Variants in KLF12 observed in about 807,000 individuals in gnomAD.
The protein encoded by KLF12 is KLF transcription factor 12, also known as Krueppel-like factor 12.
Under a neutral mutation model 37.8 loss-of-function variants are expected in KLF12, and 9 were observed. That is an observed-to-expected ratio of 0.24 (90% CI 0.14 to 0.42). The LOEUF (loss-of-function observed/expected upper bound fraction) is 0.42, where lower values mean the gene tolerates loss of function less well. Among genes scored for constraint, KLF12 ranks in the 10% least tolerant of loss-of-function variants. The pLI is 1.00. For synonymous variants in KLF12, 208 were observed against 202.1 expected (o/e 1.03, Z -0.25); for missense variants, 411 against 516.0 (o/e 0.80, Z 1.97).
chr13:73,760,791 A>G (rs1231520435), intron 6 of KLF12, among the ~76,000 whole-genome samples: 1 of 152,190 alleles, frequency 6.6e-6, no homozygotes, highest in East Asian at 1.9e-4. Flanking sequence ...ACACATGCCC[A>G]AGTCCTTTAA....
At chr13:74,106,438 A>T (rs1406422361) in intron 1 of KLF12, among the ~76,000 whole-genome samples, 1 of 152,202 alleles carries the variant, frequency 6.6e-6, no homozygotes, top group African/African-American at 2.4e-5. Context: ...AATTCAGACC[A>T]ATCTGGGGAA....
chr13:73,875,827 A>G (rs1187537128), intron 3 of KLF12, among the ~76,000 whole-genome samples: 3 of 152,208 alleles, frequency 2.0e-5, no homozygotes, highest in Non-Finnish European at 4.4e-5. Context: ...TAGTAAAACT[A>G]TCTTCACCCA....
chr13:74,181,202 G>C, the KLF12 span, among the ~76,000 whole-genome samples: 963 of 151,892 alleles, frequency 6.3e-3, 14 homozygotes, highest in African/African-American at 0.023. Flanking sequence ...GTCTCACCAT[G>C]CTGGCCAGGC....
At chr13:74,142,868 G>A in the KLF12 span, among the ~76,000 whole-genome samples, 5 of 152,092 alleles carry the variant, frequency 3.3e-5, no homozygotes, top group South Asian at 1.0e-3. Context: ...GCTAGATTTG[G>A]TATGCATCTC....
intron 3 of KLF12, among the ~76,000 whole-genome samples, chr13:73,885,483 C>T (rs974344364): frequency 6.6e-6 from 1 of 152,194 alleles, no homozygotes; most frequent in Admixed American, 6.5e-5. Context: ...CCAGACCCAT[C>T]TTCTGCATTC....
intron 1 of KLF12, among the ~76,000 whole-genome samples, chr13:74,096,410 CA>C (rs1371487682): frequency 6.6e-6 from 1 of 152,114 alleles, no homozygotes; most frequent in Non-Finnish European, 1.5e-5. Flanking sequence ...GCACAGAAAA[CA>C]AAGACAGGGA....
chr13:73,872,173 A>G (rs1886503332), intron 3 of KLF12, among the ~76,000 whole-genome samples: 1 of 152,086 alleles, frequency 6.6e-6, no homozygotes, highest in Non-Finnish European at 1.5e-5. Flanking sequence ...TTTGATTTTT[A>G]GTTTGGATTT....
the KLF12 span, among the ~76,000 whole-genome samples, chr13:74,218,734 C>T: frequency 6.6e-6 from 1 of 152,068 alleles, no homozygotes; most frequent in African/African-American, 2.4e-5. Flanking sequence ...AATGAGATAA[C>T]GAGTCTAACA....
chr13:73,986,792 A>C (rs1891838205), intron 2 of KLF12, among the ~76,000 whole-genome samples: 1 of 152,176 alleles, frequency 6.6e-6, no homozygotes, highest in African/African-American at 2.4e-5. Flanking sequence ...GAATGGACCA[A>C]GGAACCTGAG....
chr13:73,816,047 T>C (rs1424978114), intron 4 of KLF12, among the ~76,000 whole-genome samples: 1 of 152,260 alleles, frequency 6.6e-6, no homozygotes, highest in Non-Finnish European at 1.5e-5. Context: ...GCTACCATCA[T>C]GCTGGGAAAA....
At chr13:73,751,338 T>C (rs1878744222) in intron 6 of KLF12, among the ~76,000 whole-genome samples, 1 of 152,186 alleles carries the variant, frequency 6.6e-6, no homozygotes, top group African/African-American at 2.4e-5. Flanking sequence ...ATAGAGGCTG[T>C]ATTAATTTAC....
chr13:73,962,756 T>C (rs1340876078), intron 2 of KLF12, among the ~76,000 whole-genome samples: 2 of 152,086 alleles, frequency 1.3e-5, no homozygotes, highest in African/African-American at 2.4e-5. Context: ...AAAAAAGCAG[T>C]TAAAAATAAA....
At chr13:74,052,395 G>A (rs1279321565) in intron 1 of KLF12, among the ~76,000 whole-genome samples, 2 of 152,074 alleles carry the variant, frequency 1.3e-5, no homozygotes, top group South Asian at 2.1e-4. Flanking sequence ...TGTTGGAAGC[G>A]TCTACTCTTT....
intron 3 of KLF12, among the ~76,000 whole-genome samples, chr13:73,905,011 C>A (rs994205081): frequency 6.6e-6 from 1 of 151,084 alleles, no homozygotes; most frequent in Non-Finnish European, 1.5e-5. Context: ...AATTTTATAG[C>A]TTTCTGAAGT....
At chr13:74,060,378 C>T (rs946396265) in intron 1 of KLF12, among the ~76,000 whole-genome samples, 2 of 151,980 alleles carry the variant, frequency 1.3e-5, no homozygotes, top group African/African-American at 4.8e-5. Flanking sequence ...ATTGATGCTT[C>T]CAATCCATTT....
intron 7 of KLF12, among the ~76,000 whole-genome samples, chr13:73,704,802 T>C (rs1419281701): frequency 3.9e-5 from 6 of 152,190 alleles, no homozygotes; most frequent in Admixed American, 6.5e-5. Flanking sequence ...GTGGATGACT[T>C]TGAGCCTTCT....
At chr13:73,952,510 C>T (rs977238494) in intron 2 of KLF12, among the ~76,000 whole-genome samples, 2 of 152,162 alleles carry the variant, frequency 1.3e-5, no homozygotes, top group East Asian at 1.9e-4. Context: ...TCAGGCCCCA[C>T]CTTCAACAAT....
intron 5 of KLF12, among the ~76,000 whole-genome samples, chr13:73,799,123 G>A (rs1361032825): frequency 1.3e-5 from 2 of 152,170 alleles, no homozygotes; most frequent in African/African-American, 2.4e-5. Context: ...CATGGATGGA[G>A]TTGGAGGTCA....
At chr13:74,302,974 AT>A in the KLF12 span, among the ~76,000 whole-genome samples, 1 of 152,112 alleles carries the variant, frequency 6.6e-6, no homozygotes, top group South Asian at 2.1e-4. Context: ...TTTTAAACTC[AT>A]TTTTAAACCT....
Sources: allele counts gnomAD v4.1 joint callset (sites outside exome capture counted in the v4.1 genomes callset), GRCh38; gene constraint gnomAD v4.1.1; transcripts MANE v1.5; gene names NCBI Gene and HGNC (gene_info 2026-07-23, HGNC 2026-07-21).